Variants in TANGO6 observed in about 807,000 individuals in gnomAD.
TANGO6 encodes the protein transport and Golgi organization protein 6 homolog.
In TANGO6, 90 loss-of-function variants were observed where a neutral mutation model predicts 114.2. That is an observed-to-expected ratio of 0.79 (90% CI 0.66 to 0.94). TANGO6 has a LOEUF of 0.94. Among genes scored for constraint, TANGO6 ranks in the 40% least tolerant of loss-of-function variants. TANGO6 has a pLI of 0.00. For missense variants in TANGO6, 1,274 were observed against 1,315.3 expected (o/e 0.97, Z 0.49); for synonymous variants, 477 against 509.8 (o/e 0.94, Z 0.87).
chr16:68,909,804 T>C (rs1308013833), intron 11 of TANGO6, among the ~76,000 whole-genome samples: 1 of 152,182 alleles, frequency 6.6e-6, no homozygotes, highest in Non-Finnish European at 1.5e-5. Context: ...TCAAGCTCCA[T>C]GGATGATCTA....
At chr16:69,065,330 A>G (rs1416139568) in intron 17 of TANGO6, among the ~76,000 whole-genome samples, 1 of 152,104 alleles carries the variant, frequency 6.6e-6, no homozygotes, top group African/African-American at 2.4e-5. Flanking sequence ...CTGACCGCCT[A>G]TTTTTTGTTT....
intron 14 of TANGO6, among the ~76,000 whole-genome samples, chr16:68,967,897 A>C (rs200055418): frequency 6.6e-6 from 1 of 152,192 alleles, no homozygotes; most frequent in South Asian, 2.1e-4. Flanking sequence ...ACGACACCCA[A>C]ACTCCTTTTG....
At chr16:68,911,154 T>A (rs1283139848) in intron 11 of TANGO6, among the ~76,000 whole-genome samples, 3 of 152,014 alleles carry the variant, frequency 2.0e-5, no homozygotes, top group African/African-American at 7.3e-5. Flanking sequence ...AGTCTCACTA[T>A]CAGCCCAGGC....
chr16:68,894,703 T>C (rs1317444200), intron 7 of TANGO6, among the ~76,000 whole-genome samples: 1 of 151,956 alleles, frequency 6.6e-6, no homozygotes, highest in Middle Eastern at 3.2e-3. Context: ...GGGGTATGTG[T>C]TTGGGGATTT....
chr16:69,083,035 T>C (rs1011738832), intron 17 of TANGO6, among the ~76,000 whole-genome samples: 7 of 151,248 alleles, frequency 4.6e-5, no homozygotes, highest in African/African-American at 1.5e-4. Flanking sequence ...CCTATCTCAG[T>C]ACGAGGGCTA....
Position 69,084,020 on chromosome 16 carries a change from G to A in TANGO6, c.*359G>A, listed in dbSNP as rs1423680364. On this transcript the variant is annotated 3_prime_UTR_variant, in exon 18 of 18. Transcript: ENST00000261778. ...ACTCTCTTGGAACTTGAGGAGAAGC[G>A]GTTGGCCACCCATATGTCACCTAGC... The A allele has an allele frequency of 1.8e-5, 3 of 170,058 alleles. No individual in the cohort carries two copies. The highest frequency in any genetic ancestry group is 3.8e-5 in the Non-Finnish European group (3 of 79,714). 10.5% of individuals were successfully genotyped at this position (170,058 alleles called of 1,614,324 possible). A position where few individuals can be genotyped will look rare whatever the true frequency, so the allele number is the denominator to read the frequency against.
chr16:68,889,976 C>A (rs371896722), intron 7 of TANGO6, among the ~76,000 whole-genome samples: 51 of 152,282 alleles, frequency 3.3e-4, no homozygotes, highest in African/African-American at 1.2e-3. Context: ...AGGTAACTTG[C>A]CTTGTTCTTT....
Position 69,015,656 on chromosome 16 carries a change from T to A in TANGO6, c.2843-7172T>A, listed in dbSNP as rs200182130. ...GCCACCACGCCCAGATAATTTTTTG[T>A]ATTTTTAATAGAGACCGGGTTTCGC... On this transcript the variant is annotated intron_variant, in intron 15 of 17. Transcript: ENST00000261778. 5.8e-4 allele frequency among the ~76,000 whole-genome samples: 88 copies of A among 151,944 alleles called. 1 individual carries two copies. In the East Asian group the frequency reaches 0.014, roughly 24 times the overall value.
intron 17 of TANGO6, among the ~76,000 whole-genome samples, chr16:69,048,649 G>A (rs79699130): frequency 0.031 from 4,744 of 152,212 alleles, 107 homozygotes; most frequent in Non-Finnish European, 0.042. Flanking sequence ...GCCTCTTCCT[G>A]ATAAGGTTAT....
intron 14 of TANGO6, among the ~76,000 whole-genome samples, chr16:68,969,890 C>A (rs1292920030): frequency 6.6e-6 from 1 of 152,118 alleles, no homozygotes; most frequent in Non-Finnish European, 1.5e-5. Context: ...CTTCTCCCTC[C>A]CTCTCAGGCT....
intron 14 of TANGO6, among the ~76,000 whole-genome samples, chr16:68,936,189 G>T (rs536161949): frequency 6.6e-6 from 1 of 151,970 alleles, no homozygotes; most frequent in African/African-American, 2.4e-5. Context: ...ATCTCAAAAA[G>T]AAAATTTAAA....
At chr16:68,920,024 G>A (rs1963068746) in intron 12 of TANGO6, among the ~76,000 whole-genome samples, 1 of 152,214 alleles carries the variant, frequency 6.6e-6, no homozygotes, top group Non-Finnish European at 1.5e-5. Context: ...TCCAGCCTGG[G>A]TGACAAGAGC....
Position 68,862,279 on chromosome 16 carries a change from A to G in TANGO6, c.736-666A>G, listed in dbSNP as rs551909339. On this transcript the variant is annotated intron_variant, in intron 2 of 17. Transcript: ENST00000261778. ...GCCCAAGCTGGAGTGCAGTGGTGCA[A>G]TCTTGACTCACTGTAACCTCCGCCT... 2.6e-5 allele frequency among the ~76,000 whole-genome samples: 4 copies of G among 152,166 alleles called. No homozygotes were observed. The East Asian group carries it at 7.7e-4, about 29-fold the overall frequency.
In TANGO6 at chr16:68,974,027, G is replaced by A. The variant is rs1319899259; in HGVS notation, c.2702-1G>A. Reference sequence around the variant, plus strand: ...TCCTTTCTTTTTGTTTTCAACCCCAGGGGTTGCCCTGCTGTCAGACGTCTA... The same window carrying A: ...TCCTTTCTTTTTGTTTTCAACCCCAAGGGTTGCCCTGCTGTCAGACGTCTA... On this transcript the variant is annotated splice_acceptor_variant, in intron 14 of 17. Coordinates refer to ENST00000261778, the MANE Select transcript of TANGO6 (RefSeq NM_024562.2). LOFTEE classifies it high-confidence loss of function. 4 of 1,603,442 alleles carry A rather than the reference G, an allele frequency of 2.5e-6. No homozygotes were observed.
chr16:68,887,740 G>A (rs750816454), intron 7 of TANGO6, among the ~76,000 whole-genome samples: 95 of 152,146 alleles, frequency 6.2e-4, no homozygotes, highest in Non-Finnish European at 1.1e-3. Context: ...TTAGCCGGGC[G>A]TGGTGGCTCG....
At chr16:68,909,071 T>C (rs1597015335) in intron 10 of TANGO6, 140 bp from the exon 11 acceptor site, 1 of 667,624 alleles carries the variant, frequency 1.5e-6, no homozygotes. Context: ...CTCCAAGTTT[T>C]GGCTATTATA....
chr16:69,022,987 A>G lies in TANGO6; in HGVS notation c.2994+8A>G. The G allele has an allele frequency of 6.4e-7, 1 of 1,561,652 alleles. No individual in the cohort carries two copies. ...GGCTCCGTGGTCCATGAGGTACTGT[A>G]TTTTGATTCCTTTCTCTAAAGCGTG... On this transcript the variant is annotated splice_region_variant and intron_variant, in intron 16 of 17. Transcript: ENST00000261778.
intron 14 of TANGO6, among the ~76,000 whole-genome samples, chr16:68,930,535 T>G (rs1011371013): frequency 3.3e-5 from 5 of 152,174 alleles, no homozygotes; most frequent in Non-Finnish European, 7.3e-5. Flanking sequence ...TGTTTACATA[T>G]TCTGTAGATT....
chr16:69,028,140 A>G (rs1959535863), intron 16 of TANGO6, among the ~76,000 whole-genome samples: 1 of 151,862 alleles, frequency 6.6e-6, no homozygotes, highest in African/African-American at 2.4e-5. Flanking sequence ...TTGTGTTTTT[A>G]GTAGAGATGG....
Sources: allele counts gnomAD v4.1 joint callset (sites outside exome capture counted in the v4.1 genomes callset), GRCh38; gene constraint gnomAD v4.1.1; transcripts MANE v1.5; gene names NCBI Gene and HGNC (gene_info 2026-07-23, HGNC 2026-07-21).